EPHX1: variants seen among roughly 807,000 people sequenced by gnomAD.
EPHX1 encodes the protein epoxide hydratase.
In EPHX1, 40 loss-of-function variants were observed where a neutral mutation model predicts 43.2. That is an observed-to-expected ratio of 0.93 (90% CI 0.72 to 1.21). EPHX1 has a LOEUF of 1.21. Ranked by LOEUF, EPHX1 falls within the 50% of genes most tolerant of loss-of-function variation. EPHX1 has a pLI of 0.00. For synonymous variants in EPHX1, 221 were observed against 226.7 expected (o/e 0.98, Z 0.22); for missense variants, 550 against 570.4 (o/e 0.96, Z 0.36).
chr1:225,826,466 A>AAAAAAAAG (rs1667245312), intron 1 of EPHX1, among the ~76,000 whole-genome samples: 1 of 147,820 alleles, frequency 6.8e-6, no homozygotes, highest in Non-Finnish European at 1.5e-5. Context: ...AAAAAAAAAA[A>AAAAAAAAG]AAAGGGAAAG....
rs751033715 is a variant in EPHX1, at chr1:225,835,535, G to A, written c.365-3119G>A. Among the ~76,000 whole-genome samples, 7 of 151,520 alleles carry A rather than the reference G, an allele frequency of 4.6e-5. No individual in the cohort carries two copies. The East Asian group carries it at 7.8e-4, about 17-fold the overall frequency. On this transcript the variant is annotated intron_variant, in intron 3 of 8. Transcript: ENST00000272167. ...CTCCCGAGTAGCTGGGACTACAGGC[G>A]CCCGCCACCATGCCCAGCTAATTTT...
In EPHX1 at chr1:225,812,098, G is replaced by T. The variant is rs74150518; in HGVS notation, c.-6+1929G>T. ...CTGGGGTGCAGGTGCAAAGGCTGGG[G>T]GCAGGAGTGTGCCCAGCTTGAATGG... On this transcript the variant is annotated intron_variant, in intron 1 of 8. Transcript: ENST00000272167. Among the ~76,000 whole-genome samples, 1,347 of 152,220 alleles carry T rather than the reference G, an allele frequency of 8.8e-3. 20 individuals carry two copies. The highest frequency in any genetic ancestry group is 0.031 in the African/African-American group (1,282 of 41,524).
chr1:225,845,454 CCATGCT>C lies in EPHX1; in HGVS notation c.*108_*113del. On this transcript the variant is annotated 3_prime_UTR_variant, in exon 9 of 9. Transcript: ENST00000272167. Reference sequence around the variant, plus strand: ...GAATGAGTTTGCCTCCGTCCCCTGCCCATGCTGGGAGCCCACGCTCACCCCCTCACC... The same window carrying C: ...GAATGAGTTTGCCTCCGTCCCCTGCCGGGAGCCCACGCTCACCCCCTCACC... The C allele has an allele frequency of 2.5e-6, 3 of 1,214,532 alleles. No individual in the cohort carries two copies. The highest frequency in any genetic ancestry group is 3.5e-6 in the Non-Finnish European group (3 of 867,726). The allele number at this position is 1,214,532 out of a possible 1,614,324, so 75.2% of individuals were successfully genotyped here.
chr1:225,833,430 G>A (rs1220529877), intron 3 of EPHX1, among the ~76,000 whole-genome samples: 3 of 151,976 alleles, frequency 2.0e-5, no homozygotes, highest in Non-Finnish European at 4.4e-5. Flanking sequence ...CTTGAGCCCA[G>A]GAATTCAAGG....
rs1180631633 is a variant in EPHX1 at position 225,845,383 on chromosome 1, C to T, written c.*36C>T. ...TCCCCCCGCCTGCCACCTCCCCCCACAAGTGCCCTCCAGGCTTTTCTTGGG... is the reference window on the plus strand; with the variant it reads ...TCCCCCCGCCTGCCACCTCCCCCCATAAGTGCCCTCCAGGCTTTTCTTGGG... On this transcript the variant is annotated 3_prime_UTR_variant, in exon 9 of 9. Transcript: ENST00000272167. 9.7e-6 allele frequency: 15 copies of T among 1,539,762 alleles called. No homozygotes were observed. Among genetic ancestry groups the T allele is most frequent in the Non-Finnish European group, 3.5e-6 (4 of 1,144,406 alleles).
intron 3 of EPHX1, among the ~76,000 whole-genome samples, chr1:225,836,665 A>G (rs1667984456): frequency 1.3e-5 from 2 of 152,244 alleles, no homozygotes; most frequent in Non-Finnish European, 2.9e-5. Flanking sequence ...TGAGGAAATA[A>G]TGCTAAGTGA....
rs750746972 is a variant in EPHX1 at position 225,842,437 on chromosome 1, A to G, written c.1003A>G (p.Thr335Ala). 2 of 1,613,972 alleles carry G rather than the reference A, an allele frequency of 1.2e-6. No individual in the cohort carries two copies. Among genetic ancestry groups the G allele is most frequent in the South Asian group, 2.2e-5 (2 of 91,082 alleles). Reference sequence around the variant, plus strand: ...AGAGAAGTTTTCCACCTGGACCAATACGGAATTCCGATACCTGGAGGATGG... The same window carrying G: ...AGAGAAGTTTTCCACCTGGACCAATGCGGAATTCCGATACCTGGAGGATGG... ...ILEKFSTWTN[T>A]EFRYLEDGGL... Residue 335 changes from threonine (T) to alanine (A), a missense_variant, in exon 7 of 9, where the codon ACG (threonine) becomes GCG (alanine). By Grantham distance (58) the Thr-to-Ala change is moderately conservative. Transcript: ENST00000272167.
intron 3 of EPHX1, among the ~76,000 whole-genome samples, chr1:225,838,260 C>T (rs1450213829): frequency 2.6e-5 from 4 of 152,112 alleles, no homozygotes; most frequent in African/African-American, 7.2e-5. Context: ...TTGCTGGATA[C>T]GTGGGGCTTT....
Position 225,839,334 on chromosome 1 carries a change from A to G in EPHX1, c.710A>G (p.Gln237Arg). 4 of 1,613,418 alleles carry G rather than the reference A, an allele frequency of 2.5e-6. No individual in the cohort carries two copies. The highest frequency in any genetic ancestry group is 1.3e-5 in the African/African-American group (1 of 74,730). The change falls in exon 5 of 9, where the codon CAG becomes CGG. Residue 237 changes from glutamine (Q) to arginine (R), a missense_variant. Physicochemically the swap from Gln to Arg is conservative, Grantham distance 43. Coordinates refer to ENST00000272167, the MANE Select transcript of EPHX1 (RefSeq NM_001136018.4). ...WGSLICTNMA[Q>R]LVPSHVKGLH... is the part of the protein sequence containing the mutation. ...TCCCTGATCTGCACTAATATGGCCC[A>G]GCTGGTGCCCAGGTGAGGTCACTGT...
chr1:225,813,728 C>G (rs1256343279), intron 1 of EPHX1, among the ~76,000 whole-genome samples: 3 of 152,204 alleles, frequency 2.0e-5, no homozygotes, highest in Admixed American at 6.5e-5. Flanking sequence ...GTTCAGAGAC[C>G]TGGTGTGGAG....
At chr1:225,813,145 C>G (rs546058918) in intron 1 of EPHX1, among the ~76,000 whole-genome samples, 1 of 152,294 alleles carries the variant, frequency 6.6e-6, no homozygotes, top group African/African-American at 2.4e-5. Flanking sequence ...AGGAGGGAAA[C>G]AGTAAGTTTT....
chr1:225,844,168 G>T (rs1450601794), intron 7 of EPHX1, among the ~76,000 whole-genome samples: 1 of 152,180 alleles, frequency 6.6e-6, no homozygotes, highest in Non-Finnish European at 1.5e-5. Context: ...GGTCACCACA[G>T]TAGCTGGTGC....
chr1:225,819,211 A>C lies in EPHX1; in HGVS notation c.-6+9042A>C, dbSNP rs1299368423. On this transcript the variant is annotated intron_variant, in intron 1 of 8. Coordinates refer to ENST00000272167, the MANE Select transcript of EPHX1 (RefSeq NM_001136018.4). ...CACTGCACTCCAGCCTGGGCGACAG[A>C]GCGAGACTCCGTCTCAAAAAAAAAA... Among the ~76,000 whole-genome samples, 2 of 8,330 alleles carry C rather than the reference A, an allele frequency of 2.4e-4. 1 individual carries two copies. Among genetic ancestry groups the C allele is most frequent in the Non-Finnish European group, 5.0e-4 (2 of 4,036 alleles). 5.5% of individuals were successfully genotyped at this position (8,330 alleles called of 152,430 possible).
chr1:225,824,582 C>T (rs1667137868), intron 1 of EPHX1, among the ~76,000 whole-genome samples: 1 of 152,218 alleles, frequency 6.6e-6, no homozygotes, highest in African/African-American at 2.4e-5. Context: ...CCTCCGAGCT[C>T]CTTCGCCAGG....
intron 3 of EPHX1, among the ~76,000 whole-genome samples, chr1:225,833,794 T>TA (rs1667761761): frequency 4.8e-5 from 4 of 83,596 alleles, no homozygotes; most frequent in Admixed American, 1.4e-4. Flanking sequence ...GACTCTGTCT[T>TA]TAAAAAAAAA....
chr1:225,832,579 G>A (rs894211297), intron 3 of EPHX1, among the ~76,000 whole-genome samples: 2 of 152,244 alleles, frequency 1.3e-5, no homozygotes. Context: ...AAGTGGACTT[G>A]TTGGATCATA....
chr1:225,829,282 A>C lies in EPHX1; in HGVS notation c.183+370A>C, dbSNP rs186828632. The stretch of plus-strand genomic sequence containing the variant: ...AGCAGGTTCCCGTCAGAGACCCAGG[A>C]AGCACTGAGAAGGCAGGGATGCTAC... On this transcript the variant is annotated intron_variant, in intron 2 of 8. Transcript: ENST00000272167. Among the ~76,000 whole-genome samples the C allele has an allele frequency of 2.0e-5, 3 of 152,282 alleles. No individual in the cohort carries two copies. In the East Asian group the frequency reaches 5.8e-4, roughly 29 times the overall value.
chr1:225,835,413 G>C (rs1416049187), intron 3 of EPHX1, among the ~76,000 whole-genome samples: 1 of 131,348 alleles, frequency 7.6e-6, no homozygotes, highest in Admixed American at 8.0e-5. Context: ...TTCTTGAGAC[G>C]GAGTCTCGCT....
At chr1:225,844,378 T>G in intron 7 of EPHX1, 120 bp from the exon 8 acceptor site, 40 of 1,484,980 alleles carry the variant, frequency 2.7e-5, no homozygotes, top group Non-Finnish European at 3.4e-5. Flanking sequence ...ACACGTTGCA[T>G]GAGGTCTGAG....
Sources: gnomAD v4.1 joint callset for allele counts (sites outside exome capture counted in the v4.1 genomes callset) on GRCh38, gnomAD v4.1.1 for gene constraint, MANE v1.5 for transcripts, NCBI Gene and HGNC (gene_info 2026-07-23, HGNC 2026-07-21) for gene names.